Variants in ABCC5 observed in about 807,000 individuals in gnomAD.
ABCC5 encodes the protein ATP-binding cassette sub-family C member 5.
ABCC5 carries 61 observed loss-of-function variants against 160.9 expected under a neutral mutation model. The ratio of observed to expected loss-of-function variants is 0.38; its 90% CI spans 0.31 to 0.47. The LOEUF is 0.47. ABCC5 is among the 20% of genes least tolerant of loss of function. The pLI, the probability that ABCC5 is intolerant of heterozygous loss-of-function variation, is 0.99. For missense variants in ABCC5, 1,308 were observed against 1,813.3 expected (o/e 0.72, Z 5.06); for synonymous variants, 666 against 700.6 (o/e 0.95, Z 0.78).
rs143660676 is a variant in ABCC5, at chr3:183,975,403, G to A, written c.1404+2114C>T. ...GTTGCCCAGGCTGGAGTGCAGTGGC[G>A]CGATCTCGACTCATGGCAACCCCTA... On this transcript the variant is annotated intron_variant, in intron 10 of 29. Transcript: ENST00000334444. 2.6e-3 allele frequency among the ~76,000 whole-genome samples: 399 copies of A among 151,792 alleles called. 2 individuals are homozygous for A. Among genetic ancestry groups the A allele is most frequent in the African/African-American group, 9.1e-3 (377 of 41,354 alleles).
rs544418529 is a variant in ABCC5 at position 184,001,730 on chromosome 3, G to A, written c.130-12347C>T. ...AACACAGTTAGTACTGATATAGGCTGACCTAGAGGAATGTATTTTATGAGG... is the reference window on the plus strand; with the variant it reads ...AACACAGTTAGTACTGATATAGGCTAACCTAGAGGAATGTATTTTATGAGG... On this transcript the variant is annotated intron_variant, in intron 2 of 29. Transcript: ENST00000334444. 2.0e-5 allele frequency among the ~76,000 whole-genome samples: 3 copies of A among 152,324 alleles called. No individual in the cohort carries two copies. In the South Asian group the frequency reaches 6.2e-4, roughly 32 times the overall value.
rs143239668 is a variant in ABCC5 at position 183,940,171 on chromosome 3, C to T, written c.3695-2111G>A. Among the ~76,000 whole-genome samples, 86 of 152,144 alleles carry T rather than the reference C, an allele frequency of 5.7e-4. 1 individual carries two copies. The highest frequency in any genetic ancestry group is 1.9e-3 in the African/African-American group (79 of 41,528). On this transcript the variant is annotated intron_variant, in intron 25 of 29. Transcript: ENST00000334444. ...CAGAAACGAGTTAGGAAACCTGGTCCGTCTAGCAGGATAGTTCTCCTCCTA... is the reference window on the plus strand; with the variant it reads ...CAGAAACGAGTTAGGAAACCTGGTCTGTCTAGCAGGATAGTTCTCCTCCTA...
chr3:183,971,661 C>T lies in ABCC5; in HGVS notation c.1663G>A (p.Glu555Lys), dbSNP rs770360800. ...TCTTCCTCTTCGGGACTGGGCCGCTCGTCACTGTCCAGGAGGAGGTGGCCT... is the reference window on the plus strand; with the variant it reads ...TCTTCCTCTTCGGGACTGGGCCGCTTGTCACTGTCCAGGAGGAGGTGGCCT... ...QKGHLLLDSDERPSPEEEEGK... is the reference protein window; with the variant it reads ...QKGHLLLDSDKRPSPEEEEGK... The change falls in exon 11 of 30, where the codon GAG becomes AAG. Residue 555 changes from glutamate to lysine, a missense_variant. Transcript: ENST00000334444. 9 of 1,614,122 alleles carry T rather than the reference C, an allele frequency of 5.6e-6. No homozygotes were observed. The highest frequency in any genetic ancestry group is 2.7e-5 in the African/African-American group (2 of 75,026).
intron 2 of ABCC5, among the ~76,000 whole-genome samples, chr3:184,004,906 T>A (rs933237965): frequency 3.9e-5 from 6 of 152,236 alleles, no homozygotes; most frequent in African/African-American, 1.4e-4. Flanking sequence ...ACCACATAAA[T>A]ATAGATTTCA....
intron 26 of ABCC5, among the ~76,000 whole-genome samples, chr3:183,932,558 A>C (rs1713277214): frequency 6.6e-6 from 1 of 152,220 alleles, no homozygotes; most frequent in Non-Finnish European, 1.5e-5. Flanking sequence ...GAGTGTAATG[A>C]GTAGAGCCAG....
chr3:183,948,711 A>T (rs939828180), intron 22 of ABCC5, among the ~76,000 whole-genome samples: 1 of 150,662 alleles, frequency 6.6e-6, no homozygotes, highest in Non-Finnish European at 1.5e-5. Flanking sequence ...TTTTATTTTT[A>T]TTTTTTTTGA....
At chr3:184,014,111 G>A (rs1049037146) in intron 2 of ABCC5, among the ~76,000 whole-genome samples, 153 bp downstream of exon 2, 1 of 152,194 alleles carries the variant, frequency 6.6e-6, no homozygotes, top group Admixed American at 6.5e-5. Context: ...GACCTCAGAT[G>A]ATCCACCCGC....
intron 14 of ABCC5, among the ~76,000 whole-genome samples, chr3:183,964,938 C>G (rs1288178715): frequency 2.6e-5 from 4 of 152,232 alleles, no homozygotes; most frequent in Non-Finnish European, 5.9e-5. Flanking sequence ...TAAAAAACAT[C>G]AACTCTGAGT....
chr3:183,927,182 T>C, intron 28 of ABCC5, 148 bp downstream of exon 28: 1 of 750,072 alleles, frequency 1.3e-6, no homozygotes, highest in African/African-American at 1.8e-5. Context: ...ACCCAAATTG[T>C]GTCAGGGTTA....
intron 2 of ABCC5, among the ~76,000 whole-genome samples, chr3:183,990,015 G>C (rs1337239077): frequency 6.6e-6 from 1 of 152,150 alleles, no homozygotes; most frequent in Non-Finnish European, 1.5e-5. Flanking sequence ...ATGTTGGTCA[G>C]GCTGGTTTCG....
At chr3:183,994,515 A>G (rs1720082552) in intron 2 of ABCC5, among the ~76,000 whole-genome samples, 1 of 152,158 alleles carries the variant, frequency 6.6e-6, no homozygotes, top group African/African-American at 2.4e-5. Flanking sequence ...TGCTGGGATT[A>G]CAGATGCCCA....
chr3:183,960,786 A>C (rs1032984103), intron 16 of ABCC5, among the ~76,000 whole-genome samples: 3 of 105,516 alleles, frequency 2.8e-5, no homozygotes, highest in African/African-American at 4.7e-5. Context: ...AGTTTCTCTT[A>C]TGTCTTTTTT....
chr3:184,002,575 C>A (rs1029121184), intron 2 of ABCC5, among the ~76,000 whole-genome samples: 19 of 152,198 alleles, frequency 1.2e-4, no homozygotes, highest in African/African-American at 4.6e-4. Flanking sequence ...CTTCTGCGGG[C>A]GCTAACGCCA....
chr3:183,920,563 G>A lies in ABCC5; in HGVS notation c.*737C>T, dbSNP rs1711872723. On this transcript the variant is annotated 3_prime_UTR_variant, in exon 30 of 30. Coordinates refer to ENST00000334444, the MANE Select transcript of ABCC5 (RefSeq NM_005688.4). The surrounding 1 kb of genome is among the most constrained non-coding windows in gnomAD (Gnocchi z 4.1). ...GAATGTCTCTGTGATCCCCATTCTT[G>A]ATGGAGGGAGTGAAAAGGGGCCTGG... The A allele has an allele frequency of 1.3e-5, 2 of 152,710 alleles. No homozygotes were observed. The highest frequency in any genetic ancestry group is 2.9e-5 in the Non-Finnish European group (2 of 68,070). 9.5% of individuals were successfully genotyped at this position (152,710 alleles called of 1,614,324 possible).
chr3:184,010,337 T>G (rs1721622503), intron 2 of ABCC5: 1 of 151,496 alleles, frequency 6.6e-6, no homozygotes, highest in African/African-American at 2.4e-5. Flanking sequence ...ATAAAATTCA[T>G]GTGGATTCCT....
At chr3:183,954,915 A>G (rs1460305119) in intron 17 of ABCC5, among the ~76,000 whole-genome samples, 1 of 152,184 alleles carries the variant, frequency 6.6e-6, no homozygotes. Context: ...AGGTGGGGCA[A>G]CATGGGGCAG....
intron 11 of ABCC5, among the ~76,000 whole-genome samples, chr3:183,968,960 T>C (rs1023951273): frequency 6.6e-6 from 1 of 152,208 alleles, no homozygotes; most frequent in African/African-American, 2.4e-5. Context: ...GTTGAACAAA[T>C]AGTTTTTGAC....
chr3:183,961,439 C>T (rs1716722723), intron 16 of ABCC5, 72 bp downstream of exon 16: 12 of 1,561,728 alleles, frequency 7.7e-6, no homozygotes, highest in Admixed American at 1.8e-5. Context: ...TGAGGTCTCT[C>T]CATCACTCAC....
intron 15 of ABCC5, among the ~76,000 whole-genome samples, chr3:183,962,261 T>C (rs557205325): frequency 2.8e-4 from 42 of 152,258 alleles, no homozygotes; most frequent in African/African-American, 8.7e-4. Context: ...ATGTTTAATA[T>C]CTCATGCAAT....
Sources: gnomAD v4.1 joint callset for allele counts (sites outside exome capture counted in the v4.1 genomes callset) on GRCh38, gnomAD v4.1.1 for gene constraint, Gnocchi (gnomAD v3.1) non-coding constraint, MANE v1.5 for transcripts, NCBI Gene and HGNC (gene_info 2026-07-23, HGNC 2026-07-21) for gene names.